C10orf67: variants seen among roughly 807,000 people sequenced by gnomAD.
C10orf67 encodes the protein chromosome 10 open reading frame 67, also known as uncharacterized protein C10orf67, mitochondrial.
A neutral mutation model predicts 35.6 loss-of-function variants in C10orf67; 60 were observed. The ratio of observed to expected loss-of-function variants is 1.68; its 90% confidence interval spans 1.37 to 2.09. The LOEUF (loss-of-function observed/expected upper bound fraction) is 2.09. Ranked by LOEUF, C10orf67 falls within the 30% of genes most tolerant of loss-of-function variation. C10orf67 has a pLI of 0.00. For synonymous variants in C10orf67, 167 were observed against 115.8 expected (o/e 1.44, Z -2.84); for missense variants, 474 against 330.2 (o/e 1.44, Z -3.38).
chr10:23,281,109 A>C (rs896556069), intron 8 of C10orf67, among the ~76,000 whole-genome samples: 1 of 152,226 alleles, frequency 6.6e-6, no homozygotes, highest in Non-Finnish European at 1.5e-5. Context: ...CGAATCGCCA[A>C]CCATAAATTT....
intron 1 of C10orf67, among the ~76,000 whole-genome samples, chr10:23,339,098 T>A (rs1845791244): frequency 6.6e-6 from 1 of 152,218 alleles, no homozygotes; most frequent in South Asian, 2.1e-4. Context: ...AACTTTAGGA[T>A]CTGCTGGTTT....
intron 8 of C10orf67, among the ~76,000 whole-genome samples, chr10:23,271,150 C>A (rs1430388793): frequency 2.0e-5 from 3 of 152,112 alleles, no homozygotes; most frequent in African/African-American, 7.2e-5. Flanking sequence ...AGACTTTAAA[C>A]CAACGAAGAT....
intron 4 of C10orf67, among the ~76,000 whole-genome samples, chr10:23,314,157 C>T (rs1844602162): frequency 6.6e-6 from 1 of 151,798 alleles, no homozygotes; most frequent in African/African-American, 2.4e-5. Context: ...CACTGCACTC[C>T]AGCCTGGGAG....
intron 4 of C10orf67, among the ~76,000 whole-genome samples, chr10:23,308,250 T>C (rs1432308868): frequency 2.6e-5 from 4 of 152,182 alleles, no homozygotes; most frequent in African/African-American, 9.7e-5. Context: ...CACTACAATC[T>C]TCGTACTTGC....
chr10:23,265,627 A>G (rs965268041), intron 10 of C10orf67, among the ~76,000 whole-genome samples: 1 of 152,240 alleles, frequency 6.6e-6, no homozygotes, highest in Non-Finnish European at 1.5e-5. Context: ...GTAGAGATAC[A>G]GGCTCATAAT....
chr10:23,204,045 G>T lies in C10orf67; in HGVS notation c.*128C>A. The T allele has an allele frequency of 2.4e-6, 1 of 423,140 alleles. No individual in the cohort carries two copies. 26.2% of individuals were successfully genotyped at this position (423,140 alleles called of 1,614,324 possible). Reference sequence around the variant, plus strand: ...CAGTGCTGGTTAATATACATAATCTGGAGAGATTAAACAATTAGTTTAGAA... The same window carrying T: ...CAGTGCTGGTTAATATACATAATCTTGAGAGATTAAACAATTAGTTTAGAA... On this transcript the variant is annotated 3_prime_UTR_variant, in exon 16 of 16. Coordinates refer to ENST00000636213, the MANE Select transcript of C10orf67 (RefSeq NM_001371909.1).
intron 13 of C10orf67, among the ~76,000 whole-genome samples, chr10:23,225,346 C>T (rs1352992562): frequency 3.3e-5 from 5 of 152,102 alleles, no homozygotes; most frequent in Admixed American, 6.6e-5. Context: ...ACCAGGCCTG[C>T]CCTAAAAGAG....
chr10:23,323,952 T>TATATATACACACAC (rs1564513730), intron 2 of C10orf67, among the ~76,000 whole-genome samples: 12 of 64,688 alleles, frequency 1.9e-4, no homozygotes, highest in Non-Finnish European at 3.7e-4. Flanking sequence ...TATATATATA[T>TATATATACACACAC]ACACACACAC....
At chr10:23,297,577 C>T (rs754366728) in intron 5 of C10orf67, among the ~76,000 whole-genome samples, 8 of 152,158 alleles carry the variant, frequency 5.3e-5, no homozygotes, top group African/African-American at 7.2e-5. Context: ...CTGCATACCC[C>T]GCTTTTCGAA....
chr10:23,212,778 TGAGAGAGA>T (rs58972226), intron 15 of C10orf67, among the ~76,000 whole-genome samples: 3,304 of 101,092 alleles, frequency 0.033, 87 homozygotes, highest in African/African-American at 0.077. Flanking sequence ...AATATTGTAT[TGAGAGAGA>T]GAGAGAGAGA....
intron 15 of C10orf67, among the ~76,000 whole-genome samples, chr10:23,205,862 A>G (rs1489011196): frequency 6.6e-6 from 1 of 152,234 alleles, no homozygotes; most frequent in Non-Finnish European, 1.5e-5. Flanking sequence ...TAGTTGAAGT[A>G]AGTCTCCTAA....
At chr10:23,316,655 C>T (rs1844722174) in intron 4 of C10orf67, 1 of 152,616 alleles carries the variant, frequency 6.6e-6, no homozygotes, top group Middle Eastern at 3.4e-3. Context: ...TGGGTAGCTC[C>T]TTTCTGCAAG....
At chr10:23,219,892 C>T (rs1430348792) in intron 15 of C10orf67, among the ~76,000 whole-genome samples, 5 of 152,128 alleles carry the variant, frequency 3.3e-5, no homozygotes, top group African/African-American at 1.2e-4. Flanking sequence ...GGAGGCTGGA[C>T]ACAGTGGTTC....
chr10:23,326,686 G>A (rs994675863), intron 2 of C10orf67, among the ~76,000 whole-genome samples: 4 of 152,088 alleles, frequency 2.6e-5, no homozygotes, highest in Admixed American at 1.3e-4. Context: ...GATGCAATAC[G>A]TATGATACTC....
At chr10:23,275,216 T>G (rs1843152647) in intron 8 of C10orf67, among the ~76,000 whole-genome samples, 1 of 152,144 alleles carries the variant, frequency 6.6e-6, no homozygotes, top group South Asian at 2.1e-4. Context: ...AGGTGCAAGG[T>G]ACAGTGGCAC....
chr10:23,212,378 C>T (rs570568176), intron 15 of C10orf67, among the ~76,000 whole-genome samples: 1 of 152,256 alleles, frequency 6.6e-6, no homozygotes, highest in South Asian at 2.1e-4. Context: ...TAGCCCAAAC[C>T]ACACGTCTCT....
At chr10:23,304,549 G>T (rs1382432506) in intron 4 of C10orf67, among the ~76,000 whole-genome samples, 4 of 151,844 alleles carry the variant, frequency 2.6e-5, no homozygotes, top group Admixed American at 2.6e-4. Context: ...ACTCAGCCAT[G>T]GTCCAGGAGC....
intron 15 of C10orf67, among the ~76,000 whole-genome samples, chr10:23,206,208 C>T (rs1189260857): frequency 2.6e-5 from 4 of 152,136 alleles, no homozygotes; most frequent in African/African-American, 9.7e-5. Context: ...CTTTTCAAAA[C>T]CAATGGAATG....
chr10:23,310,479 C>T (rs968654070), intron 4 of C10orf67, among the ~76,000 whole-genome samples: 4 of 152,202 alleles, frequency 2.6e-5, no homozygotes, highest in Non-Finnish European at 4.4e-5. Flanking sequence ...CAGTAACCTG[C>T]TGCCTTTGGT....
Sources: gnomAD v4.1 joint callset for allele counts (sites outside exome capture counted in the v4.1 genomes callset) on GRCh38, gnomAD v4.1.1 for gene constraint, MANE v1.5 for transcripts, NCBI Gene and HGNC (gene_info 2026-07-23, HGNC 2026-07-21) for gene names.